Variants in ATMIN observed in about 807,000 individuals in gnomAD.
The protein encoded by ATMIN is ATM interactor, also known as ATM INteracting protein.
In ATMIN, 24 loss-of-function variants were observed where a neutral mutation model predicts 49.2. That is an observed-to-expected ratio of 0.49 (90% confidence interval 0.35 to 0.69). The LOEUF (loss-of-function observed/expected upper bound fraction) is 0.69, where lower values mean the gene tolerates loss of function less well. Among genes scored for constraint, ATMIN ranks in the 30% least tolerant of loss-of-function variants. ATMIN has a pLI of 0.00. For synonymous variants in ATMIN, 450 were observed against 392.5 expected, an observed-to-expected ratio of 1.15 and a Z score of -1.73; for missense variants, 1,037 against 1,005.5, an observed-to-expected ratio of 1.03 and a Z score of -0.42.
At chr16:81,042,959 T>A (rs936776140) in intron 3 of ATMIN, among the ~76,000 whole-genome samples, 1 of 152,060 alleles carries the variant, frequency 6.6e-6, no homozygotes, top group East Asian at 1.9e-4. Flanking sequence ...GTTTCCTCCT[T>A]CTCTGTTTGC....
Position 81,046,163 on chromosome 16 carries a change from T to A in ATMIN, c.*1193T>A, listed in dbSNP as rs568746907. 2 of 152,196 alleles carry A rather than the reference T, an allele frequency of 1.3e-5. No individual in the cohort carries two copies. The highest frequency in any genetic ancestry group is 3.9e-4 in the East Asian group (2 of 5,184). 9.4% of individuals were successfully genotyped at this position (152,196 alleles called of 1,614,324 possible). A position where few individuals can be genotyped will look rare whatever the true frequency, so the allele number is the denominator to read the frequency against. On this transcript the variant is annotated 3_prime_UTR_variant, in exon 4 of 4. Coordinates refer to ENST00000299575, the MANE Select transcript of ATMIN (RefSeq NM_015251.3). ...CAGAGTTGGGGGCTCTGGAGCTGTT[T>A]CCCCAAGTGCATCCACAAGCTGGAT...
Position 81,045,460 on chromosome 16 carries a change from T to C in ATMIN, c.*490T>C, listed in dbSNP as rs1031191855. ...TGCCACCGTAGGATTTAAGCAGTAG[T>C]GCTTCCATGCTCTTAAGACTCCTGC... On this transcript the variant is annotated 3_prime_UTR_variant, in exon 4 of 4. Coordinates refer to ENST00000299575, the MANE Select transcript of ATMIN (RefSeq NM_015251.3). The C allele has an allele frequency of 6.4e-6, 1 of 155,240 alleles. No individual in the cohort carries two copies. Among genetic ancestry groups the C allele is most frequent in the Admixed American group, 6.4e-5 (1 of 15,704 alleles). The allele number at this position is 155,240 out of a possible 1,614,324, so 9.6% of individuals were successfully genotyped here.
Position 81,043,169 on chromosome 16 carries a change from C to T in ATMIN, c.671C>T (p.Pro224Leu). ...TCTGTCATTGTTTTCAGGGACCCAC[C>T]TAGTAAGAAAAGGAAAATGGAAAAC... ...HEIPAEHRDP[P>L]SKKRKMENCA... Residue 224 changes from proline (P) to leucine (L), a missense_variant, in exon 4 of 4, where the codon CCT becomes CTT. By Grantham distance (98) the Pro-to-Leu change is moderately conservative (BLOSUM62 -3). Transcript: ENST00000299575. The T allele has an allele frequency of 6.3e-7, 1 of 1,598,690 alleles. No homozygotes were observed. The highest frequency in any genetic ancestry group is 1.8e-5 in the Admixed American group (1 of 55,770).
rs542897075 is a variant in ATMIN at position 81,037,417 on chromosome 16, C to T, written c.336+1211C>T. 245 of 985,382 alleles carry T rather than the reference C, an allele frequency of 2.5e-4. No individual in the cohort carries two copies. The South Asian group carries it at 5.3e-3, about 21-fold the overall frequency. 61.0% of individuals were successfully genotyped at this position (985,382 alleles called of 1,614,324 possible). A position where few individuals can be genotyped will look rare whatever the true frequency, so the allele number is the denominator to read the frequency against. The stretch of plus-strand genomic sequence containing the variant: ...GATCTGCTCTTACCACCATCTAAAC[C>T]GGGATGCAACAACGTTCTCAATTGA... On this transcript the variant is annotated intron_variant, in intron 1 of 3. Transcript: ENST00000299575.
Position 81,042,377 on chromosome 16 carries a change from T to C in ATMIN, c.559T>C (p.Cys187Arg), listed in dbSNP as rs779311054. 2 of 1,614,072 alleles carry C rather than the reference T, an allele frequency of 1.2e-6. No individual in the cohort carries two copies. The highest frequency in any genetic ancestry group is 1.7e-6 in the Non-Finnish European group (2 of 1,180,036). ...GGACCTGAAAAGACATGCAGAGGAC[T>C]GTGGCAAGACCTTCCGGTGCACATG... is the stretch of plus-strand genomic sequence containing the variant. ...EWDLKRHAED[C>R]GKTFRCTCGC... Residue 187 changes from cysteine to arginine, a missense_variant, in exon 3 of 4, where the codon TGT (cysteine) becomes CGT (arginine). Cys to Arg is a radical substitution (Grantham distance 180). Coordinates refer to ENST00000299575, the MANE Select transcript of ATMIN (RefSeq NM_015251.3).
rs865901799 is a variant in ATMIN at position 81,046,683 on chromosome 16, C to T, written c.*1713C>T. 5.3e-5 allele frequency: 8 copies of T among 151,950 alleles called. No homozygotes were observed. Among genetic ancestry groups the T allele is most frequent in the African/African-American group, 1.9e-4 (8 of 41,338 alleles). 9.4% of individuals were successfully genotyped at this position (151,950 alleles called of 1,614,324 possible). A position where few individuals can be genotyped will look rare whatever the true frequency, so the allele number is the denominator to read the frequency against. ...ATTGACACACACACACACACACACA[C>T]ACACACACGACATGCTCCTTTCTGT... On this transcript the variant is annotated 3_prime_UTR_variant, in exon 4 of 4. Transcript: ENST00000299575.
intron 1 of ATMIN, 54 bp downstream of exon 1, chr16:81,036,260 G>T (rs1273092892): frequency 2.5e-6 from 3 of 1,184,744 alleles, no homozygotes; most frequent in South Asian, 2.9e-5. Context: ...CCAACAAAGC[G>T]CCCGGCGCCG....
Position 81,035,888 on chromosome 16 carries a change from G to C in ATMIN, c.18G>C (p.Ala6=), listed in dbSNP as rs1597121483. 3 of 959,888 alleles carry C rather than the reference G, an allele frequency of 3.1e-6. No individual in the cohort carries two copies. Among genetic ancestry groups the C allele is most frequent in the Non-Finnish European group, 3.7e-6 (3 of 817,626 alleles). The allele number at this position is 959,888 out of a possible 1,614,324, so 59.5% of individuals were successfully genotyped here. A position where few individuals can be genotyped will look rare whatever the true frequency, so the allele number is the denominator to read the frequency against. The part of the protein sequence containing the change: MAASE[A]AAAAGSAALA... Reference sequence around the variant, plus strand: ...CGGGAGCCATGGCGGCCTCGGAGGCGGCGGCGGCGGCGGGGTCCGCGGCTC... The same window carrying C: ...CGGGAGCCATGGCGGCCTCGGAGGCCGCGGCGGCGGCGGGGTCCGCGGCTC... Residue 6 remains alanine, a synonymous_variant, in exon 1 of 4, where the codon GCG becomes GCC. Transcript: ENST00000299575.
Position 81,042,366 on chromosome 16 carries a change from A to G in ATMIN, c.548A>G (p.His183Arg). 1.2e-6 allele frequency: 2 copies of G among 1,614,238 alleles called. No individual in the cohort carries two copies. The highest frequency in any genetic ancestry group is 1.7e-6 in the Non-Finnish European group (2 of 1,180,040). ...GGTACAGAATGGGACCTGAAAAGACATGCAGAGGACTGTGGCAAGACCTTC... is the reference window on the plus strand; with the variant it reads ...GGTACAGAATGGGACCTGAAAAGACGTGCAGAGGACTGTGGCAAGACCTTC... ...SYGTEWDLKR[H>R]AEDCGKTFRC... Residue 183 changes from histidine (H) to arginine (R), a missense_variant, in exon 3 of 4, where the codon CAT becomes CGT. Transcript: ENST00000299575.
intron 1 of ATMIN, among the ~76,000 whole-genome samples, chr16:81,038,012 AGTT>A (rs1381372092): frequency 2.0e-5 from 3 of 152,086 alleles, no homozygotes; most frequent in Middle Eastern, 3.4e-3. Flanking sequence ...CTTTCTGTGG[AGTT>A]GTTGTTAGGA....
chr16:81,041,638 C>T (rs1971039382), intron 2 of ATMIN, 157 bp downstream of exon 2: 1 of 901,214 alleles, frequency 1.1e-6, no homozygotes, highest in East Asian at 2.6e-5. Context: ...TGCTGTTACA[C>T]AAGTGGAGGG....
chr16:81,040,100 G>C (rs1971013720), intron 1 of ATMIN, among the ~76,000 whole-genome samples: 1 of 152,028 alleles, frequency 6.6e-6, no homozygotes, highest in African/African-American at 2.4e-5. Context: ...TTACTGGATT[G>C]TTTCCTCTCA....
chr16:81,042,048 A>T (rs1971045613), intron 2 of ATMIN, among the ~76,000 whole-genome samples: 1 of 152,074 alleles, frequency 6.6e-6, no homozygotes, highest in Non-Finnish European at 1.5e-5. Flanking sequence ...TGGAGACCAT[A>T]GATGTTTCCA....
intron 1 of ATMIN, chr16:81,040,818 A>G: frequency 6.4e-6 from 1 of 155,792 alleles, no homozygotes; most frequent in Non-Finnish European, 1.4e-5. Context: ...TGAGTGAAAA[A>G]GAGACTGAAG....
At position 81,044,570 on chromosome 16, in the gene ATMIN, A is replaced by G; in HGVS notation, c.2072A>G (p.Asn691Ser). ...TSAQSYGCRG[N>S]SNFLGLEMFD... is the part of the protein sequence containing the mutation. Reference sequence around the variant, plus strand: ...GCTCAGTCCTATGGGTGTAGGGGAAATTCTAACTTCTTAGGCCTTGAGATG... The same window carrying G: ...GCTCAGTCCTATGGGTGTAGGGGAAGTTCTAACTTCTTAGGCCTTGAGATG... Residue 691 changes from asparagine to serine, a missense_variant, in exon 4 of 4, where the codon AAT becomes AGT. Asn to Ser is a conservative substitution (Grantham distance 46). Transcript: ENST00000299575. 5 of 1,613,964 alleles carry G rather than the reference A, an allele frequency of 3.1e-6. No homozygotes were observed. The South Asian group carries it at 3.3e-5, about 11-fold the overall frequency.
intron 2 of ATMIN, among the ~76,000 whole-genome samples, chr16:81,042,025 A>G (rs1478357115): frequency 6.6e-6 from 1 of 152,232 alleles, no homozygotes; most frequent in African/African-American, 2.4e-5. Flanking sequence ...CTTACAGATC[A>G]GAGTGTAAAT....
In ATMIN at chr16:81,043,435, G is replaced by C. The variant is rs553978375; in HGVS notation, c.937G>C (p.Val313Leu). The C allele has an allele frequency of 6.2e-7, 1 of 1,613,914 alleles. No individual in the cohort carries two copies. The highest frequency in any genetic ancestry group is 2.2e-5 in the East Asian group (1 of 44,848). Residue 313 changes from valine (V) to leucine (L), a missense_variant, in exon 4 of 4, where the codon GTC becomes CTC. Coordinates refer to ENST00000299575, the MANE Select transcript of ATMIN (RefSeq NM_015251.3). ...TAAACTACCCGTGATGCAGTTTTCT[G>C]TCATGCCTGTCTTTGTGCCTACAGC... is the stretch of plus-strand genomic sequence containing the variant. ...LVKLPVMQFS[V>L]MPVFVPTADS... is the part of the protein sequence containing the mutation.
rs1423152612 is a variant in ATMIN, at chr16:81,044,084, C to T, written c.1586C>T (p.Thr529Ile). 1.9e-6 allele frequency: 3 copies of T among 1,613,992 alleles called. No individual in the cohort carries two copies. In the African/African-American group the frequency reaches 4.0e-5, roughly 22 times the overall value. Residue 529 changes from threonine (T) to isoleucine (I), a missense_variant, in exon 4 of 4, where the codon ACA becomes ATA. By Grantham distance (89) the Thr-to-Ile change is moderately conservative (BLOSUM62 -1). Coordinates refer to ENST00000299575, the MANE Select transcript of ATMIN (RefSeq NM_015251.3). ...ESVHSSYNVATGNIISNSLVA... is the reference protein window; with the variant it reads ...ESVHSSYNVAIGNIISNSLVA... Reference sequence around the variant, plus strand: ...GTTCATTCATCATATAATGTTGCTACAGGTAACATTATAAGCAACAGTTTA... The same window carrying T: ...GTTCATTCATCATATAATGTTGCTATAGGTAACATTATAAGCAACAGTTTA...
In ATMIN at chr16:81,043,399, G is replaced by C. The variant is rs1165302554; in HGVS notation, c.901G>C (p.Val301Leu). 1.9e-6 allele frequency: 3 copies of C among 1,613,668 alleles called. No homozygotes were observed. The highest frequency in any genetic ancestry group is 1.7e-5 in the Admixed American group (1 of 59,930). The change falls in exon 4 of 4, where the codon GTG (valine) becomes CTG (leucine). Residue 301 changes from valine to leucine, a missense_variant. Transcript: ENST00000299575. The stretch of plus-strand genomic sequence containing the variant: ...GAAGTTGCTTTTACCAAAGCCCAAA[G>C]TGGCTTTGGTTAAACTACCCGTGAT... ...PQKLLLPKPK[V>L]ALVKLPVMQF...
Sources: allele counts gnomAD v4.1 joint callset (sites outside exome capture counted in the v4.1 genomes callset), GRCh38; gene constraint gnomAD v4.1.1; transcripts MANE v1.5; gene names NCBI Gene and HGNC (gene_info 2026-07-23, HGNC 2026-07-21).